Variants in IMMP2L observed in about 807,000 individuals in gnomAD.
The protein encoded by IMMP2L is mitochondrial inner membrane protease subunit 2.
In IMMP2L, 18 loss-of-function variants were observed where a neutral mutation model predicts 19.3. The ratio of observed to expected loss-of-function variants is 0.93; its 90% CI spans 0.64 to 1.38. The LOEUF is 1.38. IMMP2L is among the 40% of genes most tolerant of loss of function. The pLI, the probability that IMMP2L is intolerant of heterozygous loss-of-function variation, is 0.00. For missense variants in IMMP2L, 233 were observed against 218.2 expected (o/e 1.07, Z -0.43); for synonymous variants, 76 against 73.0 (o/e 1.04, Z -0.21).
At chr7:111,128,038 G>C (rs1801487336) in intron 3 of IMMP2L, among the ~76,000 whole-genome samples, 1 of 151,702 alleles carries the variant, frequency 6.6e-6, no homozygotes, top group African/African-American at 2.4e-5. Flanking sequence ...ACAGATTTAT[G>C]GTACATATAC....
At chr7:110,860,790 C>T (rs2129542693) in intron 5 of IMMP2L, among the ~76,000 whole-genome samples, 1 of 151,994 alleles carries the variant, frequency 6.6e-6, no homozygotes, top group South Asian at 2.1e-4. Context: ...TGTGTTAAAG[C>T]CATTTTGGAA....
At chr7:111,170,945 T>C (rs1806369833) in intron 3 of IMMP2L, among the ~76,000 whole-genome samples, 1 of 151,770 alleles carries the variant, frequency 6.6e-6, no homozygotes, top group Non-Finnish European at 1.5e-5. Context: ...GCTTGAGGTA[T>C]GTGATCATAG....
chr7:111,214,820 T>C (rs868193739), intron 3 of IMMP2L, among the ~76,000 whole-genome samples: 1 of 148,908 alleles, frequency 6.7e-6, no homozygotes, highest in South Asian at 2.1e-4. Flanking sequence ...GAGATTAAAG[T>C]AGAACATTCA....
intron 3 of IMMP2L, among the ~76,000 whole-genome samples, chr7:111,278,533 C>A (rs908345571): frequency 1.1e-4 from 17 of 152,244 alleles, no homozygotes; most frequent in African/African-American, 4.1e-4. Flanking sequence ...TTCACTAAAA[C>A]ATCATTCCAG....
intron 3 of IMMP2L, among the ~76,000 whole-genome samples, chr7:111,170,046 C>T (rs887863789): frequency 1.3e-4 from 20 of 151,788 alleles, no homozygotes; most frequent in Non-Finnish European, 2.8e-4. Context: ...TGATGAAATA[C>T]ATTCATAAGC....
chr7:110,716,954 G>A (rs1435826472), intron 5 of IMMP2L, among the ~76,000 whole-genome samples: 1 of 152,120 alleles, frequency 6.6e-6, no homozygotes, highest in African/African-American at 2.4e-5. Flanking sequence ...GAAGAAGTAA[G>A]CATTTAGAAA....
chr7:111,159,558 C>A (rs1780792250), intron 3 of IMMP2L, among the ~76,000 whole-genome samples: 1 of 151,934 alleles, frequency 6.6e-6, no homozygotes, highest in South Asian at 2.1e-4. Flanking sequence ...ATTCACTAAA[C>A]AAAAGGAAGG....
At chr7:111,454,825 C>G (rs1839542902) in intron 3 of IMMP2L, among the ~76,000 whole-genome samples, 1 of 151,962 alleles carries the variant, frequency 6.6e-6, no homozygotes, top group Non-Finnish European at 1.5e-5. Context: ...CATTAACACT[C>G]TAACACAGCT....
rs547651041 is a variant in IMMP2L at position 111,166,995 on chromosome 7, T to C, written c.240-203430A>G. 4.6e-5 allele frequency among the ~76,000 whole-genome samples: 7 copies of C among 152,074 alleles called. No homozygotes were observed. In the East Asian group the frequency reaches 5.8e-4, roughly 13 times the overall value. ...GATGAAATTCACAGGTTCTGAGAAA[T>C]GGACACATCATTCGGAGGGGGGGCA... On this transcript the variant is annotated intron_variant, in intron 3 of 5. Coordinates refer to ENST00000405709, the MANE Select transcript of IMMP2L (RefSeq NM_032549.4).
At chr7:110,690,486 C>T (rs886330989) in intron 5 of IMMP2L, among the ~76,000 whole-genome samples, 30 of 151,986 alleles carry the variant, frequency 2.0e-4, no homozygotes, top group African/African-American at 7.3e-4. Context: ...AGATAAAGGG[C>T]ATCCGAATTG....
intron 5 of IMMP2L, among the ~76,000 whole-genome samples, chr7:110,819,692 C>T (rs1265748908): frequency 6.6e-6 from 1 of 151,984 alleles, no homozygotes; most frequent in Admixed American, 6.6e-5. Flanking sequence ...AAATGTCCCA[C>T]TGTAGAACAT....
At chr7:110,770,585 T>C (rs955150626) in intron 5 of IMMP2L, among the ~76,000 whole-genome samples, 3 of 152,188 alleles carry the variant, frequency 2.0e-5, no homozygotes, top group Non-Finnish European at 4.4e-5. Flanking sequence ...TTCATGGCAG[T>C]TGATGTTCCT....
intron 3 of IMMP2L, among the ~76,000 whole-genome samples, chr7:111,216,654 C>A (rs1374902286): frequency 1.3e-5 from 2 of 152,080 alleles, no homozygotes; most frequent in Non-Finnish European, 2.9e-5. Flanking sequence ...CTCCTGTCTA[C>A]CTGAATTTTG....
chr7:110,829,936 T>C lies in IMMP2L; in HGVS notation c.408+56657A>G, dbSNP rs555186528. Among the ~76,000 whole-genome samples the C allele has an allele frequency of 1.3e-5, 2 of 152,240 alleles. 1 individual carries two copies. The highest frequency in any genetic ancestry group is 4.8e-5 in the African/African-American group (2 of 41,552). Reference sequence around the variant, plus strand: ...AGAGAGAAGCAATATTGAAGCTAGGTATCCAAAGAGAAAGGATATTATGCA... The same window carrying C: ...AGAGAGAAGCAATATTGAAGCTAGGCATCCAAAGAGAAAGGATATTATGCA... On this transcript the variant is annotated intron_variant, in intron 5 of 5. Transcript: ENST00000405709.
intron 3 of IMMP2L, among the ~76,000 whole-genome samples, chr7:111,035,946 A>C (rs1396257171): frequency 6.6e-6 from 1 of 152,162 alleles, no homozygotes; most frequent in Admixed American, 6.5e-5. Flanking sequence ...TGGGAATGAC[A>C]ACAGTACTTA....
chr7:111,163,018 C>T (rs574731151), intron 3 of IMMP2L, among the ~76,000 whole-genome samples: 36 of 152,192 alleles, frequency 2.4e-4, no homozygotes, highest in African/African-American at 8.4e-4. Context: ...CTGAACCCTG[C>T]TCTTATAGAG....
At chr7:110,772,395 C>T (rs1201090982) in intron 5 of IMMP2L, among the ~76,000 whole-genome samples, 1 of 152,166 alleles carries the variant, frequency 6.6e-6, no homozygotes, top group Admixed American at 6.5e-5. Flanking sequence ...CCAAGGACAG[C>T]TTCATTACTT....
In IMMP2L at chr7:111,155,670, T is replaced by TTATA. The variant is rs755485414; in HGVS notation, c.240-192109_240-192106dup. 2.5e-4 allele frequency among the ~76,000 whole-genome samples: 36 copies of TTATA among 145,446 alleles called. 1 individual carries two copies. The South Asian group carries it at 6.5e-3, about 26-fold the overall frequency. ...CATTGTCATGGAAATTTATATGCAATTATATATATATATATACACACACAC... is the reference window on the plus strand; with the variant it reads ...CATTGTCATGGAAATTTATATGCAATTATATATATATATATATATACACACACAC... On this transcript the variant is annotated intron_variant, in intron 3 of 5. Coordinates refer to ENST00000405709, the MANE Select transcript of IMMP2L (RefSeq NM_032549.4).
At chr7:111,238,735 G>T (rs1814639126) in intron 3 of IMMP2L, among the ~76,000 whole-genome samples, 1 of 151,918 alleles carries the variant, frequency 6.6e-6, no homozygotes, top group Admixed American at 6.6e-5. Context: ...TAGAAAAATA[G>T]TTCTAATATT....
Sources: allele counts gnomAD v4.1 joint callset (sites outside exome capture counted in the v4.1 genomes callset), GRCh38; gene constraint gnomAD v4.1.1; transcripts MANE v1.5; gene names NCBI Gene and HGNC (gene_info 2026-07-23, HGNC 2026-07-21).